GNPDA1: variants seen among roughly 807,000 people sequenced by gnomAD.
GNPDA1 encodes the protein glucosamine-6-phosphate deaminase 1.
A neutral mutation model predicts 28.5 loss-of-function variants in GNPDA1; 24 were observed. The observed-to-expected ratio is 0.84, with a 90% CI of 0.61 to 1.19. The LOEUF (loss-of-function observed/expected upper bound fraction) is 1.19, where lower values mean the gene tolerates loss of function less well. Among genes scored for constraint, GNPDA1 ranks in the 50% most tolerant of loss-of-function variants. The pLI, the probability that GNPDA1 is intolerant of heterozygous loss-of-function variation, is 0.00. For missense variants in GNPDA1, 264 were observed against 367.3 expected, an observed-to-expected ratio of 0.72 and a Z score of 2.30; for synonymous variants, 147 against 139.3, an observed-to-expected ratio of 1.06 and a Z score of -0.39.
Position 142,002,079 on chromosome 5 carries a change from CTT to C in GNPDA1, c.818_819del (p.Lys273ArgfsTer5). On this transcript the variant is annotated frameshift_variant, in exon 7 of 7. Coordinates refer to ENST00000311337, the MANE Select transcript of GNPDA1 (RefSeq NM_005471.5). LOFTEE classifies it high-confidence loss of function. ...NKLVDPLYSIKEKETEKSQSS... is the reference protein window; with the variant it reads ...NKLVDPLYSIXEKETEKSQSS... ...GATTGGCTTTTCTCAGTTTCTTTCTCTTTGATACTGTACAAGGGGTCCACCAA... is the reference window on the plus strand; with the variant it reads ...GATTGGCTTTTCTCAGTTTCTTTCTCTGATACTGTACAAGGGGTCCACCAA... 1.2e-6 allele frequency: 2 copies of C among 1,607,478 alleles called. No individual in the cohort carries two copies. Among genetic ancestry groups the C allele is most frequent in the Non-Finnish European group, 1.7e-6 (2 of 1,174,170 alleles).
intron 4 of GNPDA1, 100 bp from the exon 5 acceptor site, chr5:142,005,216 A>G (rs1421290990): frequency 2.2e-6 from 2 of 922,720 alleles, no homozygotes; most frequent in East Asian, 2.6e-5. Context: ...AAGAAAAATC[A>G]TTGAAAGCTG....
intron 1 of GNPDA1, 64 bp downstream of exon 1, chr5:142,012,931 C>T (rs1037551963): frequency 9.2e-5 from 14 of 151,822 alleles, no homozygotes; most frequent in African/African-American, 2.7e-4. Flanking sequence ...TGCCGTAGGG[C>T]TGGGGCAGCG....
intron 4 of GNPDA1, 23 bp from the exon 5 acceptor site, chr5:142,005,139 GC>G: frequency 1.9e-6 from 3 of 1,556,892 alleles, no homozygotes; most frequent in Non-Finnish European, 2.6e-6. Flanking sequence ...AGCCCGTGCA[GC>G]CCTGTCAGTC....
intron 2 of GNPDA1, among the ~76,000 whole-genome samples, chr5:142,009,023 G>C (rs1755874442): frequency 6.6e-6 from 1 of 151,932 alleles, no homozygotes; most frequent in African/African-American, 2.4e-5. Flanking sequence ...GTGTCAGGAT[G>C]TCTGGAACTT....
chr5:142,005,005 A>G lies in GNPDA1; in HGVS notation c.521T>C (p.Phe174Ser). The change falls in exon 5 of 7, where the codon TTC becomes TCC. Residue 174 changes from phenylalanine (F) to serine (S), a missense_variant. Phe to Ser is a radical substitution (Grantham distance 155, BLOSUM62 -2). Transcript: ENST00000311337. ...MDTILANARFFDGELTKVPTM... is the reference protein window; with the variant it reads ...MDTILANARFSDGELTKVPTM... ...GGGCACCTTGGTGAGTTCTCCATCG[A>G]AGAACCTAGCATTGGCCAGGATGGT... The G allele has an allele frequency of 1.2e-6, 2 of 1,613,574 alleles. No homozygotes were observed. Among genetic ancestry groups the G allele is most frequent in the Non-Finnish European group, 1.7e-6 (2 of 1,179,576 alleles).
chr5:142,009,499 A>G (rs1481631971), intron 2 of GNPDA1, among the ~76,000 whole-genome samples: 1 of 152,200 alleles, frequency 6.6e-6, no homozygotes, highest in Non-Finnish European at 1.5e-5. Context: ...AAGCCTCAGA[A>G]GGCAGAAGTT....
chr5:142,006,903 GA>G (rs1755820094), intron 3 of GNPDA1, among the ~76,000 whole-genome samples: 1 of 152,070 alleles, frequency 6.6e-6, no homozygotes, highest in South Asian at 2.1e-4. Context: ...AAAAAGGAAG[GA>G]AATTTTGACA....
At chr5:142,004,164 G>A (rs1005745232) in intron 5 of GNPDA1, among the ~76,000 whole-genome samples, 4 of 152,064 alleles carry the variant, frequency 2.6e-5, no homozygotes, top group African/African-American at 7.2e-5. Flanking sequence ...CTGTTTCCAA[G>A]CTGCAGAGCT....
chr5:142,011,928 G>A lies in GNPDA1; in HGVS notation c.108C>T (p.Thr36=), dbSNP rs1561574396. 4 of 1,613,932 alleles carry A rather than the reference G, an allele frequency of 2.5e-6. No individual in the cohort carries two copies. Among genetic ancestry groups the A allele is most frequent in the Non-Finnish European group, 1.7e-6 (2 of 1,179,950 alleles). ...AGAACGCACCAGTGGGGAGCCCCAG[G>A]GTGAAGTACTTCTCTGGCCCTGGGT... ...QFNPGPEKYF[T]LGLPTGSTPL... Residue 36 remains threonine, a synonymous_variant, in exon 2 of 7, where the codon ACC becomes ACT. Coordinates refer to ENST00000311337, the MANE Select transcript of GNPDA1 (RefSeq NM_005471.5).
In GNPDA1 at chr5:142,012,015, C is replaced by A; in HGVS notation, c.21G>T (p.Glu7Asp). Residue 7 changes from glutamate to aspartate, a missense_variant, in exon 2 of 7, where the codon GAG becomes GAT. Coordinates refer to ENST00000311337, the MANE Select transcript of GNPDA1 (RefSeq NM_005471.5). Reference sequence around the variant, plus strand: ...CCCACTCGCTCGCCTGAGAATAGTGCTCCAGGATGATGAGCTTCATCTTGT... The same window carrying A: ...CCCACTCGCTCGCCTGAGAATAGTGATCCAGGATGATGAGCTTCATCTTGT... MKLIIL[E>D]HYSQASEWAA... The A allele has an allele frequency of 6.2e-7, 1 of 1,605,030 alleles. No homozygotes were observed. The highest frequency in any genetic ancestry group is 8.5e-7 in the Non-Finnish European group (1 of 1,172,508).
chr5:142,010,545 C>T (rs1456823110), intron 2 of GNPDA1, among the ~76,000 whole-genome samples: 1 of 144,782 alleles, frequency 6.9e-6, no homozygotes, highest in African/African-American at 2.6e-5. Context: ...GAATCTTGCT[C>T]TGTCACCTAG....
chr5:142,002,641 T>C (rs943118066), intron 6 of GNPDA1, among the ~76,000 whole-genome samples: 3 of 151,978 alleles, frequency 2.0e-5, no homozygotes, highest in Non-Finnish European at 2.9e-5. Context: ...TAATCCCAGC[T>C]ACTTGGGAGA....
chr5:142,008,727 GA>G (rs745503894), intron 2 of GNPDA1, among the ~76,000 whole-genome samples: 110 of 134,224 alleles, frequency 8.2e-4, no homozygotes, highest in Admixed American at 8.3e-4. Flanking sequence ...ACTCTATCTT[GA>G]AAAAAAAAAA....
intron 4 of GNPDA1, 172 bp from the exon 5 acceptor site, chr5:142,005,288 C>T: frequency 1.9e-6 from 1 of 514,580 alleles, no homozygotes; most frequent in South Asian, 3.2e-5. Flanking sequence ...CTGTCCCCCT[C>T]CCTACCATTT....
intron 2 of GNPDA1, among the ~76,000 whole-genome samples, chr5:142,009,200 T>TA (rs1755879728): frequency 1.3e-5 from 2 of 151,832 alleles, no homozygotes; most frequent in Admixed American, 6.6e-5. Flanking sequence ...TTTTGCAAAC[T>TA]AAAAAAATGA....
At chr5:142,012,682 C>T (rs914058928) in intron 1 of GNPDA1, 11 of 953,006 alleles carry the variant, frequency 1.2e-5, no homozygotes, top group Non-Finnish European at 1.4e-5. Flanking sequence ...GCTTTGCGAA[C>T]CCCTCTGGGT....
At chr5:142,007,969 A>G in intron 2 of GNPDA1, 69 bp from the exon 3 acceptor site, 2 of 849,264 alleles carry the variant, frequency 2.4e-6, no homozygotes, top group Admixed American at 3.5e-5. Context: ...GGTTCACAGG[A>G]ATAAGTCAGG....
At chr5:142,010,517 T>TC (rs769248633) in intron 2 of GNPDA1, among the ~76,000 whole-genome samples, 36 of 148,782 alleles carry the variant, frequency 2.4e-4, no homozygotes, top group Non-Finnish European at 3.6e-4. Flanking sequence ...CTTTCTTTTT[T>TC]TTTTTTTTTT....
At chr5:142,012,271 T>C in intron 1 of GNPDA1, 2 of 386,958 alleles carry the variant, frequency 5.2e-6, no homozygotes, top group Non-Finnish European at 4.7e-6. Context: ...GGTTCTAATC[T>C]CAGCTCCTTC....
Sources: gnomAD v4.1 joint callset for allele counts (sites outside exome capture counted in the v4.1 genomes callset) on GRCh38, gnomAD v4.1.1 for gene constraint, MANE v1.5 for transcripts, NCBI Gene and HGNC (gene_info 2026-07-23, HGNC 2026-07-21) for gene names.